Variants in CERS1 observed in about 807,000 individuals in gnomAD.
The protein encoded by CERS1 is ceramide synthase 1.
A neutral mutation model predicts 35.7 loss-of-function variants in CERS1; 16 were observed. The observed-to-expected ratio is 0.45, with a 90% CI of 0.30 to 0.68. The LOEUF (loss-of-function observed/expected upper bound fraction) is 0.68. Among genes scored for constraint, CERS1 ranks in the 30% least tolerant of loss-of-function variants. The pLI, the probability that CERS1 is intolerant of heterozygous loss-of-function variation, is 0.08. For missense variants in CERS1, 454 were observed against 453.9 expected (o/e 1.00, Z 0.00); for synonymous variants, 243 against 201.6 (o/e 1.21, Z -1.74).
At chr19:18,881,431 G>A (rs1260684796) in intron 3 of CERS1, among the ~76,000 whole-genome samples, 3 of 151,678 alleles carry the variant, frequency 2.0e-5, no homozygotes, top group African/African-American at 7.3e-5. Context: ...TGTTGGTCCC[G>A]CTGATCTCGA....
intron 6 of CERS1, among the ~76,000 whole-genome samples, chr19:18,877,392 G>A (rs886122088): frequency 6.6e-6 from 1 of 152,180 alleles, no homozygotes; most frequent in Admixed American, 6.5e-5. Flanking sequence ...GGCCAAACTG[G>A]TGCCCCCTTT....
At chr19:18,876,107 C>A (rs1231035113) in intron 6 of CERS1, among the ~76,000 whole-genome samples, 2 of 152,214 alleles carry the variant, frequency 1.3e-5, no homozygotes, top group African/African-American at 2.4e-5. Context: ...GCCTCAGCCT[C>A]CTGAGTAGCT....
In CERS1 at chr19:18,878,633, C is replaced by T; in HGVS notation, c.1010+297G>A. The T allele has an allele frequency of 8.2e-7, 1 of 1,216,336 alleles. No individual in the cohort carries two copies. Among genetic ancestry groups the T allele is most frequent in the Middle Eastern group, 3.4e-4 (1 of 2,928 alleles). 75.3% of individuals were successfully genotyped at this position (1,216,336 alleles called of 1,614,324 possible). ...TCACCACCCACAGGGCCCTGGCTCG[C>T]CACTCCCGCCACACCAGCCACTAGG... On this transcript the variant is annotated intron_variant, in intron 6 of 7. Transcript: ENST00000623882. This position sits in a 1 kb window ranked among gnomAD's most constrained non-coding sequence, Gnocchi z 4.6.
intron 2 of CERS1, among the ~76,000 whole-genome samples, chr19:18,884,790 T>G (rs1187290973): frequency 7.5e-6 from 1 of 134,216 alleles, no homozygotes; most frequent in Non-Finnish European, 1.5e-5. Flanking sequence ...CTCAGCTCAC[T>G]GCAACCTCCA....
rs959387501 is a variant in CERS1, at chr19:18,880,107, C to A, written c.752+167G>T. On this transcript the variant is annotated intron_variant, in intron 4 of 7. Coordinates refer to ENST00000623882, the MANE Select transcript of CERS1 (RefSeq NM_021267.5). Reference sequence around the variant, plus strand: ...CTTGTCCTACTCCTTTCCTGTATAGCCCCGCCCCTTCAGTCCCACCCAAAT... The same window carrying A: ...CTTGTCCTACTCCTTTCCTGTATAGACCCGCCCCTTCAGTCCCACCCAAAT... Among the ~76,000 whole-genome samples, 3 of 151,400 alleles carry A rather than the reference C, an allele frequency of 2.0e-5. No homozygotes were observed. The South Asian group carries it at 6.3e-4, about 32-fold the overall frequency.
At chr19:18,888,881 C>A (rs901000061) in intron 2 of CERS1, among the ~76,000 whole-genome samples, 4 of 143,544 alleles carry the variant, frequency 2.8e-5, no homozygotes, top group Non-Finnish European at 4.6e-5. Flanking sequence ...TCCAGAATTT[C>A]TTTCTTTCTT....
At chr19:18,869,515 G>A in intron 7 of CERS1, 125 bp from the exon 8 acceptor site, 14 of 1,233,210 alleles carry the variant, frequency 1.1e-5, no homozygotes, top group South Asian at 1.5e-5. Context: ...GGAAGGGTGT[G>A]AAGCGGCGGG....
chr19:18,878,139 C>T lies in CERS1; in HGVS notation c.1010+791G>A. ...CCACGTCACCGATGGCCCCCACCGGCCAAATCAGAGGGCCTGGCTGGTCGG... is the reference window on the plus strand; with the variant it reads ...CCACGTCACCGATGGCCCCCACCGGTCAAATCAGAGGGCCTGGCTGGTCGG... On this transcript the variant is annotated intron_variant, in intron 6 of 7. Coordinates refer to ENST00000623882, the MANE Select transcript of CERS1 (RefSeq NM_021267.5). The surrounding 1 kb of genome is among the most constrained non-coding windows in gnomAD (Gnocchi z 4.6). 3 of 985,568 alleles carry T rather than the reference C, an allele frequency of 3.0e-6. No individual in the cohort carries two copies. In the South Asian group the frequency reaches 1.4e-4, roughly 46 times the overall value. The allele number at this position is 985,568 out of a possible 1,614,324, so 61.1% of individuals were successfully genotyped here.
At chr19:18,879,951 TTA>T (rs1319251849) in intron 4 of CERS1, among the ~76,000 whole-genome samples, 3 of 150,588 alleles carry the variant, frequency 2.0e-5, no homozygotes, top group Non-Finnish European at 4.4e-5. Flanking sequence ...TTGCTCTGTA[TTA>T]GTCTAGCTCT....
intron 7 of CERS1, 121 bp downstream of exon 7, chr19:18,869,862 T>G: frequency 1.1e-6 from 1 of 951,658 alleles, no homozygotes; most frequent in Non-Finnish European, 1.6e-6. Flanking sequence ...AAGTTGCTAG[T>G]AGCCTGGACA....
At chr19:18,869,777 C>T (rs1038446117) in intron 7 of CERS1, among the ~76,000 whole-genome samples, 8 of 152,122 alleles carry the variant, frequency 5.3e-5, no homozygotes, top group Admixed American at 6.5e-5. Flanking sequence ...AGCAGAAGGA[C>T]TGGTCTTGGG....
rs77593844 is a variant in CERS1 at position 18,878,109 on chromosome 19, C to T, written c.1010+821G>A. Reference sequence around the variant, plus strand: ...TGAGCCACTGCTTCCCTGAAACCATCGTTCCCACGTCACCGATGGCCCCCA... The same window carrying T: ...TGAGCCACTGCTTCCCTGAAACCATTGTTCCCACGTCACCGATGGCCCCCA... On this transcript the variant is annotated intron_variant, in intron 6 of 7. Coordinates refer to ENST00000623882, the MANE Select transcript of CERS1 (RefSeq NM_021267.5). The surrounding 1 kb of genome is among the most constrained non-coding windows in gnomAD (Gnocchi z 4.6). 2,979 of 985,580 alleles carry T rather than the reference C, an allele frequency of 3.0e-3. 67 individuals are homozygous for T. The African/African-American group carries it at 0.047, about 15-fold the overall frequency. The allele number at this position is 985,580 out of a possible 1,614,324, so 61.1% of individuals were successfully genotyped here. A position where few individuals can be genotyped will look rare whatever the true frequency, so the allele number is the denominator to read the frequency against.
Position 18,868,784 on chromosome 19 carries a change from C to T in CERS1, c.*1201G>A, listed in dbSNP as rs1354366394. On this transcript the variant is annotated 3_prime_UTR_variant, in exon 8 of 8. Transcript: ENST00000623882. Reference sequence around the variant, plus strand: ...CACAGCGTGGTTGAGCGCCGGCGGCCCCCCGGACCCCGACAGCGCGACGGG... The same window carrying T: ...CACAGCGTGGTTGAGCGCCGGCGGCTCCCCGGACCCCGACAGCGCGACGGG... The T allele has an allele frequency of 8.9e-6, 13 of 1,462,886 alleles. No individual in the cohort carries two copies. The East Asian group carries it at 4.1e-4, about 46-fold the overall frequency. The allele number at this position is 1,462,886 out of a possible 1,614,324, so 90.6% of individuals were successfully genotyped here. A position where few individuals can be genotyped will look rare whatever the true frequency, so the allele number is the denominator to read the frequency against.
intron 3 of CERS1, among the ~76,000 whole-genome samples, chr19:18,882,499 T>C (rs1216426111): frequency 1.3e-5 from 2 of 151,162 alleles, no homozygotes; most frequent in African/African-American, 4.9e-5. Context: ...CGGTGTGATG[T>C]CATACCCCTG....
In CERS1 at chr19:18,870,675, CTCTTTCCCGCT is replaced by C; in HGVS notation, c.1011-67_1011-57del. ...GGGAGCCCCACGCGGCCGCCTGGCC[CTCTTTCCCGCT>C]TCTTCTCTGGCCGTTTCACACCCCC... is the stretch of plus-strand genomic sequence containing the variant. On this transcript the variant is annotated intron_variant, in intron 6 of 7. Coordinates refer to ENST00000623882, the MANE Select transcript of CERS1 (RefSeq NM_021267.5). This position sits in a 1 kb window ranked among gnomAD's most constrained non-coding sequence, Gnocchi z 5.1. The C allele has an allele frequency of 3.9e-6, 2 of 510,952 alleles. No individual in the cohort carries two copies. The highest frequency in any genetic ancestry group is 7.1e-6 in the Non-Finnish European group (2 of 282,182). The allele number at this position is 510,952 out of a possible 1,614,324, so 31.7% of individuals were successfully genotyped here.
At chr19:18,869,866 C>T (rs2055932798) in intron 7 of CERS1, 117 bp downstream of exon 7, 1 of 1,012,174 alleles carries the variant, frequency 9.9e-7, no homozygotes. Flanking sequence ...TGCTAGTAGC[C>T]TGGACAGGGC....
chr19:18,884,316 G>A (rs371727949), intron 2 of CERS1, 49 bp from the exon 3 acceptor site: 9 of 1,538,262 alleles, frequency 5.9e-6, no homozygotes, highest in East Asian at 4.7e-5. Flanking sequence ...GCCTCTAGAC[G>A]ATCGCCTCCA....
At position 18,869,306 on chromosome 19, in the gene CERS1, TCCACAGC is replaced by T; in HGVS notation, c.*672_*678del. On this transcript the variant is annotated 3_prime_UTR_variant, in exon 8 of 8. Coordinates refer to ENST00000623882, the MANE Select transcript of CERS1 (RefSeq NM_021267.5). ...GGCCCGGCTCGGGCGCTCAGCGGGT[TCCACAGC>T]CGACAGGTCGAAGACGACTGTCCAC... 6.6e-7 allele frequency: 1 copy of T among 1,518,964 alleles called. No homozygotes were observed. The highest frequency in any genetic ancestry group is 8.8e-7 in the Non-Finnish European group (1 of 1,140,770). 94.1% of individuals were successfully genotyped at this position (1,518,964 alleles called of 1,614,324 possible).
Position 18,878,712 on chromosome 19 carries a change from C to A in CERS1, c.1010+218G>T. On this transcript the variant is annotated intron_variant, in intron 6 of 7. Coordinates refer to ENST00000623882, the MANE Select transcript of CERS1 (RefSeq NM_021267.5). The surrounding 1 kb of genome is among the most constrained non-coding windows in gnomAD (Gnocchi z 4.6). ...ACCCTGCCTGTCGCCCTGCCTGCCC[C>A]TCCCCAGCCTCTCCCTCCCCTTCCT... 1 of 1,383,892 alleles carries A rather than the reference C, an allele frequency of 7.2e-7. No individual in the cohort carries two copies. The highest frequency in any genetic ancestry group is 9.4e-7 in the Non-Finnish European group (1 of 1,066,830). 85.7% of individuals were successfully genotyped at this position (1,383,892 alleles called of 1,614,324 possible).
Sources: gnomAD v4.1 joint callset for allele counts (sites outside exome capture counted in the v4.1 genomes callset) on GRCh38, gnomAD v4.1.1 for gene constraint, Gnocchi (gnomAD v3.1) non-coding constraint, MANE v1.5 for transcripts, NCBI Gene and HGNC (gene_info 2026-07-23, HGNC 2026-07-21) for gene names.